ACVR1: variants seen among roughly 807,000 people sequenced by gnomAD.
ACVR1 encodes the protein activin A receptor type 1.
In ACVR1, 38 loss-of-function variants were observed where a neutral mutation model predicts 57.1. That is an observed-to-expected ratio of 0.67 (90% CI 0.51 to 0.87). The LOEUF is 0.87. Among genes scored for constraint, ACVR1 ranks in the 40% least tolerant of loss-of-function variants. The pLI is 0.00. For missense variants in ACVR1, 463 were observed against 638.2 expected, an observed-to-expected ratio of 0.73 and a Z score of 2.96; for synonymous variants, 212 against 228.1, an observed-to-expected ratio of 0.93 and a Z score of 0.63.
chr2:157,737,736 T>C, intron 10 of ACVR1, 71 bp from the exon 11 acceptor site: 2 of 1,579,814 alleles, frequency 1.3e-6, no homozygotes, highest in Non-Finnish European at 8.7e-7. Flanking sequence ...TGGGCTGATA[T>C]CATGTCTACT....
intron 9 of ACVR1, among the ~76,000 whole-genome samples, chr2:157,744,308 A>AG (rs1429118385): frequency 6.6e-6 from 1 of 152,126 alleles, no homozygotes; most frequent in African/African-American, 2.4e-5. Context: ...TATTTTAGAG[A>AG]GGGAAAAAAA....
chr2:157,805,290 G>A (rs1687477482), intron 2 of ACVR1, among the ~76,000 whole-genome samples: 1 of 152,140 alleles, frequency 6.6e-6, no homozygotes, highest in South Asian at 2.1e-4. Context: ...ATACTTTAGT[G>A]AGTACCTTCA....
At chr2:157,874,560 G>A (rs985667792) in intron 1 of ACVR1, among the ~76,000 whole-genome samples, 2 of 152,180 alleles carry the variant, frequency 1.3e-5, no homozygotes, top group African/African-American at 4.8e-5. Flanking sequence ...TTTAAGGCCC[G>A]CCACTTGGAT....
intron 1 of ACVR1, among the ~76,000 whole-genome samples, chr2:157,865,888 G>A (rs890152939): frequency 3.5e-4 from 53 of 151,110 alleles, no homozygotes; most frequent in African/African-American, 1.2e-3. Flanking sequence ...TTCTGCAGGC[G>A]TGGGGATATA....
At chr2:157,801,287 AACCATGT>A (rs1687319125) in intron 2 of ACVR1, among the ~76,000 whole-genome samples, 1 of 152,212 alleles carries the variant, frequency 6.6e-6, no homozygotes, top group Non-Finnish European at 1.5e-5. Context: ...TACAGAGTAC[AACCATGT>A]ACTTGTAGTT....
chr2:157,820,686 TC>T (rs1688132490), intron 1 of ACVR1, among the ~76,000 whole-genome samples: 1 of 152,100 alleles, frequency 6.6e-6, no homozygotes, highest in South Asian at 2.1e-4. Flanking sequence ...GTGTTTGGGT[TC>T]TCCTGCCTCT....
At chr2:157,821,532 AT>A (rs1658680887) in intron 1 of ACVR1, among the ~76,000 whole-genome samples, 2 of 152,166 alleles carry the variant, frequency 1.3e-5, no homozygotes, top group Non-Finnish European at 2.9e-5. Flanking sequence ...TCTAAAAAAA[AT>A]AAAAAATAAA....
chr2:157,834,560 A>G (rs912412641), intron 1 of ACVR1, among the ~76,000 whole-genome samples: 3 of 152,226 alleles, frequency 2.0e-5, no homozygotes, highest in African/African-American at 4.8e-5. Flanking sequence ...GCAAGAATAG[A>G]GAGCTATATA....
chr2:157,759,274 C>G (rs1685552391), intron 9 of ACVR1, among the ~76,000 whole-genome samples: 1 of 151,726 alleles, frequency 6.6e-6, no homozygotes, highest in Non-Finnish European at 1.5e-5. Flanking sequence ...AGAGAAGACT[C>G]AAATAAATAA....
intron 1 of ACVR1, among the ~76,000 whole-genome samples, chr2:157,856,151 A>T (rs982177495): frequency 2.0e-5 from 3 of 152,148 alleles, no homozygotes; most frequent in Admixed American, 2.0e-4. Flanking sequence ...AAAAAGTGCT[A>T]TAATGTGCTT....
intron 1 of ACVR1, among the ~76,000 whole-genome samples, chr2:157,837,934 G>A (rs996158880): frequency 7.2e-5 from 11 of 152,196 alleles, no homozygotes; most frequent in Non-Finnish European, 1.5e-4. Context: ...GGCACGAAGC[G>A]TTGCCAGTCT....
At chr2:157,860,263 C>A (rs531770850) in intron 1 of ACVR1, 2 of 152,290 alleles carry the variant, frequency 1.3e-5, no homozygotes, top group African/African-American at 2.4e-5. Flanking sequence ...TTGCCCACTT[C>A]GGCAGTGAAA....
intron 7 of ACVR1, among the ~76,000 whole-genome samples, chr2:157,767,094 CG>C (rs1243194701): frequency 6.6e-6 from 1 of 151,932 alleles, no homozygotes; most frequent in Non-Finnish European, 1.5e-5. Flanking sequence ...TGCAATGGCG[CG>C]ATCTCGGTTC....
rs933326394 is a variant in ACVR1 at position 157,736,750 on chromosome 2, T to C, written c.*781A>G. 18 of 343,856 alleles carry C rather than the reference T, an allele frequency of 5.2e-5. No homozygotes were observed. Among genetic ancestry groups the C allele is most frequent in the Non-Finnish European group, 8.5e-5 (16 of 187,368 alleles). 21.3% of individuals were successfully genotyped at this position (343,856 alleles called of 1,614,324 possible). Reference sequence around the variant, plus strand: ...GCACTTAAAATGTGATTTTAACTGATAATAAAAGAAAATGTCCATTTTAGA... The same window carrying C: ...GCACTTAAAATGTGATTTTAACTGACAATAAAAGAAAATGTCCATTTTAGA... On this transcript the variant is annotated 3_prime_UTR_variant, in exon 11 of 11. Coordinates refer to ENST00000434821, the MANE Select transcript of ACVR1 (RefSeq NM_001111067.4).
chr2:157,740,980 T>G (rs1390870309), intron 9 of ACVR1, among the ~76,000 whole-genome samples: 2 of 152,240 alleles, frequency 1.3e-5, no homozygotes, highest in South Asian at 2.1e-4. Flanking sequence ...GATTAAGCTC[T>G]AACAGTCACT....
At chr2:157,873,066 AATG>A (rs1464955234) in intron 1 of ACVR1, among the ~76,000 whole-genome samples, 4 of 152,352 alleles carry the variant, frequency 2.6e-5, no homozygotes, top group African/African-American at 4.8e-5. Context: ...CTCTCAAAAA[AATG>A]ATGTCTTTAG....
intron 1 of ACVR1, among the ~76,000 whole-genome samples, chr2:157,848,530 A>G (rs902469367): frequency 3.3e-5 from 5 of 152,238 alleles, no homozygotes; most frequent in Non-Finnish European, 5.9e-5. Flanking sequence ...ATTGTGGAAC[A>G]GAGACAAGCT....
At chr2:157,746,407 C>T (rs1291810634) in intron 9 of ACVR1, among the ~76,000 whole-genome samples, 1 of 152,182 alleles carries the variant, frequency 6.6e-6, no homozygotes, top group Non-Finnish European at 1.5e-5. Context: ...AGTGATTCCA[C>T]TTCACTGCCT....
At chr2:157,802,099 C>T (rs1687346421) in intron 2 of ACVR1, among the ~76,000 whole-genome samples, 2 of 152,152 alleles carry the variant, frequency 1.3e-5, no homozygotes, top group African/African-American at 4.8e-5. Flanking sequence ...CAACTTGAGA[C>T]TTTCTGGAGG....
Sources: gnomAD v4.1 joint callset for allele counts (sites outside exome capture counted in the v4.1 genomes callset) on GRCh38, gnomAD v4.1.1 for gene constraint, MANE v1.5 for transcripts, NCBI Gene and HGNC (gene_info 2026-07-23, HGNC 2026-07-21) for gene names.